The following ZNF804B variants were observed in gnomAD, a reference collection of about 807,000 sequenced individuals.
ZNF804B encodes the protein zinc finger 804B.
In ZNF804B, 80 loss-of-function variants were observed where a neutral mutation model predicts 101.4. The ratio of observed to expected loss-of-function variants is 0.79; its 90% CI spans 0.66 to 0.95. The LOEUF is 0.95. Among genes scored for constraint, ZNF804B ranks in the 40% least tolerant of loss-of-function variants. The pLI, the probability that ZNF804B is intolerant of heterozygous loss-of-function variation, is 0.00. For synonymous variants in ZNF804B, 622 were observed against 558.8 expected, an observed-to-expected ratio of 1.11 and a Z score of -1.59; for missense variants, 1,673 against 1,561.9, an observed-to-expected ratio of 1.07 and a Z score of -1.20.
intron 1 of ZNF804B, among the ~76,000 whole-genome samples, chr7:88,924,504 G>A (rs1792767193): frequency 6.6e-6 from 1 of 151,976 alleles, no homozygotes; most frequent in Non-Finnish European, 1.5e-5. Context: ...CTTTGTGGTA[G>A]GGGACTAGCT....
At chr7:89,001,111 A>C (rs1340395003) in intron 1 of ZNF804B, among the ~76,000 whole-genome samples, 1 of 147,880 alleles carries the variant, frequency 6.8e-6, no homozygotes, top group Non-Finnish European at 1.5e-5. Context: ...AGCAGGAGTA[A>C]GTTTAAGAAC....
intron 1 of ZNF804B, among the ~76,000 whole-genome samples, chr7:88,860,156 G>A (rs1005525642): frequency 2.6e-5 from 4 of 151,918 alleles, no homozygotes; most frequent in Non-Finnish European, 5.9e-5. Context: ...CCAGATTTGA[G>A]CTGATAGAAA....
intron 1 of ZNF804B, among the ~76,000 whole-genome samples, chr7:89,183,500 T>G (rs1390946630): frequency 6.6e-6 from 1 of 152,186 alleles, no homozygotes; most frequent in Non-Finnish European, 1.5e-5. Flanking sequence ...AAAATCATTT[T>G]CTTTTAAAAA....
intron 1 of ZNF804B, chr7:88,793,998 A>G (rs1790427587): frequency 6.6e-6 from 3 of 456,370 alleles, no homozygotes; most frequent in Non-Finnish European, 1.1e-5. Flanking sequence ...TGAACTTAAT[A>G]CCACAACAAA....
chr7:89,170,978 C>G (rs552522296), intron 1 of ZNF804B, among the ~76,000 whole-genome samples: 1 of 152,220 alleles, frequency 6.6e-6, no homozygotes, highest in South Asian at 2.1e-4. Context: ...CATTATTTAC[C>G]CAGAAAAATC....
intron 1 of ZNF804B, among the ~76,000 whole-genome samples, chr7:88,950,192 G>A (rs1793196578): frequency 6.6e-6 from 1 of 151,832 alleles, no homozygotes; most frequent in Non-Finnish European, 1.5e-5. Context: ...GTTGTTATCT[G>A]CAGCAGTAGA....
chr7:88,961,971 T>G (rs530453374), intron 1 of ZNF804B, among the ~76,000 whole-genome samples: 2 of 151,400 alleles, frequency 1.3e-5, no homozygotes, highest in South Asian at 2.1e-4. Context: ...CATTTTACAT[T>G]AGAATTTTCT....
chr7:89,279,917 A>G (rs1227287175), intron 2 of ZNF804B, among the ~76,000 whole-genome samples: 2 of 152,132 alleles, frequency 1.3e-5, no homozygotes, highest in Non-Finnish European at 2.9e-5. Context: ...CCTAATAGAC[A>G]TCTACAGAAC....
chr7:88,783,293 T>C lies in ZNF804B; in HGVS notation c.108+23209T>C, dbSNP rs987203249. Among the ~76,000 whole-genome samples the C allele has an allele frequency of 6.3e-4, 96 of 152,176 alleles. 1 individual carries two copies. The highest frequency in any genetic ancestry group is 2.2e-3 in the African/African-American group (90 of 41,456). On this transcript the variant is annotated intron_variant, in intron 1 of 3. Transcript: ENST00000333190. ...AATGTGTGGATTTTGGGAAAAATTC[T>C]ATACCCAAAATAAGGCAGTAGAAGT...
intron 1 of ZNF804B, among the ~76,000 whole-genome samples, chr7:88,798,546 A>G (rs1790527076): frequency 6.6e-6 from 1 of 152,022 alleles, no homozygotes; most frequent in Admixed American, 6.6e-5. Context: ...CCATTTTCCC[A>G]ATGTAATTTT....
At chr7:89,015,644 T>C (rs1271998057) in intron 1 of ZNF804B, among the ~76,000 whole-genome samples, 2 of 152,160 alleles carry the variant, frequency 1.3e-5, no homozygotes, top group Admixed American at 6.5e-5. Flanking sequence ...ATTTCATCCA[T>C]GTCCCTACAA....
At chr7:88,866,971 G>T (rs775521443) in intron 1 of ZNF804B, among the ~76,000 whole-genome samples, 6 of 152,120 alleles carry the variant, frequency 3.9e-5, no homozygotes, top group Non-Finnish European at 8.8e-5. Context: ...GAACATTATA[G>T]AATGCATTAT....
intron 1 of ZNF804B, among the ~76,000 whole-genome samples, chr7:88,855,647 G>C (rs1791543707): frequency 6.6e-6 from 1 of 152,182 alleles, no homozygotes; most frequent in East Asian, 1.9e-4. Flanking sequence ...TGTTGCCATT[G>C]CTTTTGGTGT....
intron 2 of ZNF804B, among the ~76,000 whole-genome samples, chr7:89,245,903 C>G (rs1015836244): frequency 6.6e-6 from 1 of 152,118 alleles, no homozygotes; most frequent in Non-Finnish European, 1.5e-5. Flanking sequence ...TCTAAGTAAC[C>G]CAGGGAGAGG....
chr7:89,118,695 G>A (rs2116362869), intron 1 of ZNF804B, among the ~76,000 whole-genome samples: 1 of 152,158 alleles, frequency 6.6e-6, no homozygotes, highest in South Asian at 2.1e-4. Context: ...CAAGCTATTT[G>A]TTACTTTTTA....
chr7:88,968,132 T>C (rs1793483878), intron 1 of ZNF804B, among the ~76,000 whole-genome samples: 1 of 121,886 alleles, frequency 8.2e-6, no homozygotes, highest in Non-Finnish European at 1.7e-5. Flanking sequence ...TAAGTCAAAG[T>C]TAACCGAATT....
intron 1 of ZNF804B, among the ~76,000 whole-genome samples, chr7:88,840,415 T>C (rs946687151): frequency 6.6e-6 from 1 of 152,178 alleles, no homozygotes; most frequent in Non-Finnish European, 1.5e-5. Flanking sequence ...TAACAATATC[T>C]AGCCTTGTTT....
chr7:89,059,718 G>C (rs1027242584), intron 1 of ZNF804B, among the ~76,000 whole-genome samples: 2 of 152,120 alleles, frequency 1.3e-5, no homozygotes, highest in African/African-American at 4.8e-5. Flanking sequence ...AAGTTGACAA[G>C]GGCTATTCTG....
chr7:88,792,515 A>G (rs1242847164), intron 1 of ZNF804B, among the ~76,000 whole-genome samples: 1 of 152,080 alleles, frequency 6.6e-6, no homozygotes, highest in Non-Finnish European at 1.5e-5. Flanking sequence ...TTTCACATTC[A>G]TGCTAATCCT....
Sources: gnomAD v4.1 joint callset for allele counts (sites outside exome capture counted in the v4.1 genomes callset) on GRCh38, gnomAD v4.1.1 for gene constraint, MANE v1.5 for transcripts, NCBI Gene and HGNC (gene_info 2026-07-23, HGNC 2026-07-21) for gene names.